Variants in PALD1 observed in about 807,000 individuals in gnomAD.
PALD1 encodes paladin.
A neutral mutation model predicts 96.0 loss-of-function variants in PALD1; 57 were observed. The ratio of observed to expected loss-of-function variants is 0.59; its 90% CI spans 0.48 to 0.74. The LOEUF is 0.74. PALD1 is among the 30% of genes least tolerant of loss of function. PALD1 has a pLI of 0.00. For synonymous variants in PALD1, 464 were observed against 473.6 expected (o/e 0.98, Z 0.26); for missense variants, 1,063 against 1,143.7 (o/e 0.93, Z 1.02).
chr10:70,466,532 C>T, the PALD1 span, among the ~76,000 whole-genome samples: 5 of 152,214 alleles, frequency 3.3e-5, no homozygotes, highest in African/African-American at 9.6e-5. Flanking sequence ...TGTGAGCCAC[C>T]GCGCCCAGCC....
chr10:70,504,239 T>C (rs563139001), intron 1 of PALD1, among the ~76,000 whole-genome samples: 179 of 152,286 alleles, frequency 1.2e-3, no homozygotes, highest in Middle Eastern at 6.8e-3. Context: ...TAAAAACACA[T>C]ATTTCGGCTG....
At chr10:70,553,088 G>A (rs771121357) in intron 18 of PALD1, among the ~76,000 whole-genome samples, 5 of 152,160 alleles carry the variant, frequency 3.3e-5, no homozygotes, top group Non-Finnish European at 4.4e-5. Context: ...GTTGGGGCTG[G>A]AAGATCCTGT....
chr10:70,560,974 G>C (rs1290175943), intron 18 of PALD1, among the ~76,000 whole-genome samples: 1 of 152,168 alleles, frequency 6.6e-6, no homozygotes, highest in African/African-American at 2.4e-5. Context: ...GGCCTTGATA[G>C]GAAGATGGGC....
intron 18 of PALD1, among the ~76,000 whole-genome samples, chr10:70,549,025 A>G (rs1356835861): frequency 2.8e-5 from 4 of 144,936 alleles, no homozygotes; most frequent in African/African-American, 1.0e-4. Context: ...CCTGGGCAAC[A>G]TAGCAAGACC....
At chr10:70,497,930 G>A (rs1031238719) in intron 1 of PALD1, among the ~76,000 whole-genome samples, 1 of 152,042 alleles carries the variant, frequency 6.6e-6, no homozygotes, top group African/African-American at 2.4e-5. Context: ...TAAAATATAC[G>A]TAACATAAAA....
chr10:70,539,248 G>T lies in PALD1; in HGVS notation c.1725+1G>T. 1.9e-6 allele frequency: 3 copies of T among 1,606,688 alleles called. No homozygotes were observed. Among genetic ancestry groups the T allele is most frequent in the Non-Finnish European group, 2.5e-6 (3 of 1,177,248 alleles). On this transcript the variant is annotated splice_donor_variant, in intron 14 of 19. Transcript: ENST00000263563. LOFTEE classifies it high-confidence loss of function. The surrounding 1 kb of genome is among the most constrained non-coding windows in gnomAD (Gnocchi z 4.5). Reference sequence around the variant, plus strand: ...CCCTGTGGCTCCTGACCAGCTGGAGGTGAGGCCCCCTGCCCTCTAGGCACC... The same window carrying T: ...CCCTGTGGCTCCTGACCAGCTGGAGTTGAGGCCCCCTGCCCTCTAGGCACC...
chr10:70,495,328 A>ACTCC lies in PALD1; in HGVS notation c.-30+16285_-30+16288dup, dbSNP rs559448399. ...GTATCATAATCGTGTTCCCTGGTGG[A>ACTCC]CTCCCTCCCTCCCTCCCTCTCCTTC... On this transcript the variant is annotated intron_variant, in intron 1 of 19. Transcript: ENST00000263563. Among the ~76,000 whole-genome samples, 419 of 150,606 alleles carry ACTCC rather than the reference A, an allele frequency of 2.8e-3. 4 individuals are homozygous for ACTCC. Among genetic ancestry groups the ACTCC allele is most frequent in the African/African-American group, 9.8e-3 (402 of 40,892 alleles).
At position 70,568,378 on chromosome 10, in the gene PALD1, G is replaced by A. The variant is rs1304270896; in HGVS notation, c.*1645G>A. The A allele has an allele frequency of 6.9e-6, 1 of 144,908 alleles. No homozygotes were observed. Among genetic ancestry groups the A allele is most frequent in the Non-Finnish European group, 1.5e-5 (1 of 66,866 alleles). 9.0% of individuals were successfully genotyped at this position (144,908 alleles called of 1,614,324 possible). A position where few individuals can be genotyped will look rare whatever the true frequency, so the allele number is the denominator to read the frequency against. On this transcript the variant is annotated 3_prime_UTR_variant, in exon 20 of 20. Coordinates refer to ENST00000263563, the MANE Select transcript of PALD1 (RefSeq NM_014431.3). ...ACTTGCCTACCTACCTCACAGGGGT[G>A]TTGTGAGGATTCATTTGTGATTTTT... is the stretch of plus-strand genomic sequence containing the variant.
intron 2 of PALD1, among the ~76,000 whole-genome samples, chr10:70,526,363 C>T (rs749552153): frequency 4.0e-5 from 6 of 151,866 alleles, no homozygotes; most frequent in South Asian, 4.2e-4. Context: ...CTACTCACCA[C>T]GTCCACAGTG....
At chr10:70,493,425 G>A (rs992310861) in intron 1 of PALD1, among the ~76,000 whole-genome samples, 11 of 152,238 alleles carry the variant, frequency 7.2e-5, no homozygotes, top group African/African-American at 2.7e-4. Flanking sequence ...GGTCAGACAT[G>A]CCACATTGAC....
At chr10:70,533,697 G>A (rs138573842) in intron 7 of PALD1, among the ~76,000 whole-genome samples, 33 of 152,366 alleles carry the variant, frequency 2.2e-4, no homozygotes, top group African/African-American at 7.9e-4. Flanking sequence ...TGCCCTCTGA[G>A]TCGCTCTCAC....
At chr10:70,499,621 G>A (rs1173762908) in intron 1 of PALD1, among the ~76,000 whole-genome samples, 9 of 152,256 alleles carry the variant, frequency 5.9e-5, no homozygotes, top group East Asian at 1.9e-4. Flanking sequence ...TTCCTCTCCC[G>A]TGGCCTGGCA....
At chr10:70,492,551 G>C (rs1236445893) in intron 1 of PALD1, among the ~76,000 whole-genome samples, 1 of 147,448 alleles carries the variant, frequency 6.8e-6, no homozygotes, top group Non-Finnish European at 1.5e-5. Flanking sequence ...CTGCCTCCTG[G>C]GTTCAGACAA....
intron 1 of PALD1, among the ~76,000 whole-genome samples, chr10:70,502,427 T>C (rs2132296042): frequency 6.6e-6 from 1 of 152,320 alleles, no homozygotes; most frequent in Middle Eastern, 3.4e-3. Flanking sequence ...AACAGAACTG[T>C]ACTGGATACC....
At chr10:70,461,670 C>G in the PALD1 span, among the ~76,000 whole-genome samples, 2 of 152,206 alleles carry the variant, frequency 1.3e-5, no homozygotes, top group Admixed American at 6.5e-5. Context: ...GGGGCCCCCA[C>G]TTGAGATCCA....
the PALD1 span, among the ~76,000 whole-genome samples, chr10:70,464,811 A>G: frequency 1.4e-5 from 2 of 139,964 alleles, no homozygotes; most frequent in Non-Finnish European, 3.1e-5. Context: ...TAATTTTAGT[A>G]GAGATGGGGT....
rs758911730 is a variant in PALD1 at position 70,539,215 on chromosome 10, C to T, written c.1693C>T (p.Pro565Ser). The T allele has an allele frequency of 7.4e-6, 12 of 1,611,716 alleles. No homozygotes were observed. Among genetic ancestry groups the T allele is most frequent in the African/African-American group, 1.3e-5 (1 of 74,914 alleles). ...CGGGCACACCTACAGCCTGCGGTGG[C>T]CTGGGCCCCCTGTGGCTCCTGACCA... ...CDGHTYSLRW[P>S]GPPVAPDQLE... is the part of the protein sequence containing the mutation. Residue 565 changes from proline to serine, a missense_variant, in exon 14 of 20, where the codon CCT becomes TCT. Coordinates refer to ENST00000263563, the MANE Select transcript of PALD1 (RefSeq NM_014431.3). This position sits in a 1 kb window ranked among gnomAD's most constrained non-coding sequence, Gnocchi z 4.5.
At chr10:70,464,958 T>TATGC in the PALD1 span, among the ~76,000 whole-genome samples, 1 of 142,376 alleles carries the variant, frequency 7.0e-6, no homozygotes, top group African/African-American at 2.9e-5. Context: ...TGTATGTATG[T>TATGC]ATGTATGTAT....
chr10:70,478,522 G>C (rs1845865129), upstream of PALD1, among the ~76,000 whole-genome samples: 1 of 152,204 alleles, frequency 6.6e-6, no homozygotes, highest in African/African-American at 2.4e-5. Flanking sequence ...AGCGACGAGG[G>C]AAGAGGAACT....
Sources: gnomAD v4.1 joint callset for allele counts (sites outside exome capture counted in the v4.1 genomes callset) on GRCh38, gnomAD v4.1.1 for gene constraint, Gnocchi (gnomAD v3.1) non-coding constraint, MANE v1.5 for transcripts, NCBI Gene and HGNC (gene_info 2026-07-23, HGNC 2026-07-21) for gene names.